The following SSBP3 variants were observed in gnomAD, a reference collection of about 807,000 sequenced individuals.
SSBP3 encodes the protein single-stranded DNA-binding protein 3.
SSBP3 carries 5 observed loss-of-function variants against 69.6 expected under a neutral mutation model. The observed-to-expected ratio is 0.07, with a 90% CI of 0.04 to 0.15. SSBP3 has a LOEUF of 0.15. Ranked by LOEUF, SSBP3 falls within the 10% of genes least tolerant of loss-of-function variation. The pLI is 1.00. For missense variants in SSBP3, 312 were observed against 534.0 expected, an observed-to-expected ratio of 0.58 and a Z score of 4.10; for synonymous variants, 196 against 193.4, an observed-to-expected ratio of 1.01 and a Z score of -0.11.
chr1:54,342,489 C>T (rs985002002), intron 4 of SSBP3, among the ~76,000 whole-genome samples: 3 of 152,186 alleles, frequency 2.0e-5, no homozygotes, highest in Admixed American at 2.0e-4. Context: ...GCAAAGTGGG[C>T]CTGAGAGCCA....
chr1:54,336,699 G>T (rs1646513397), intron 4 of SSBP3, among the ~76,000 whole-genome samples: 1 of 152,164 alleles, frequency 6.6e-6, no homozygotes, highest in African/African-American at 2.4e-5. Context: ...TTGACATTTG[G>T]AATACTAACT....
intron 4 of SSBP3, among the ~76,000 whole-genome samples, chr1:54,292,381 T>C (rs1645623036): frequency 6.6e-6 from 1 of 152,098 alleles, no homozygotes; most frequent in Non-Finnish European, 1.5e-5. Context: ...CCTTCCCTTC[T>C]CAGAGCCCCA....
chr1:54,335,200 C>T (rs1011314678), intron 4 of SSBP3, among the ~76,000 whole-genome samples: 16 of 152,222 alleles, frequency 1.1e-4, no homozygotes, highest in Admixed American at 1.0e-3. Context: ...ACTACGCTTT[C>T]AAAAATAAAG....
intron 14 of SSBP3, among the ~76,000 whole-genome samples, chr1:54,232,041 C>T (rs1341436577): frequency 6.6e-6 from 1 of 152,170 alleles, no homozygotes; most frequent in South Asian, 2.1e-4. Flanking sequence ...GGACACAGTT[C>T]AATCTCATTT....
chr1:54,309,416 C>T (rs1268001233), intron 4 of SSBP3, among the ~76,000 whole-genome samples: 2 of 152,238 alleles, frequency 1.3e-5, no homozygotes, highest in South Asian at 2.1e-4. Flanking sequence ...AAGACAACAT[C>T]GGCATCCCTT....
At chr1:54,383,590 C>A (rs1423334821) in intron 4 of SSBP3, among the ~76,000 whole-genome samples, 1 of 152,112 alleles carries the variant, frequency 6.6e-6, no homozygotes, top group Non-Finnish European at 1.5e-5. Flanking sequence ...ATGCAAAGGT[C>A]AACTGTAGAC....
At chr1:54,289,862 G>C (rs1457098216) in intron 4 of SSBP3, among the ~76,000 whole-genome samples, 2 of 152,060 alleles carry the variant, frequency 1.3e-5, no homozygotes, top group African/African-American at 4.8e-5. Flanking sequence ...CCAGGATAGG[G>C]GGGCTCCCCC....
intron 4 of SSBP3, among the ~76,000 whole-genome samples, chr1:54,379,010 C>CCGCCA: frequency 6.6e-6 from 1 of 152,340 alleles, no homozygotes; most frequent in East Asian, 1.9e-4. Context: ...TCTCCTGGCC[C>CCGCCA]CGCCACCGCC....
chr1:54,318,750 C>A (rs935634159), intron 4 of SSBP3, among the ~76,000 whole-genome samples: 3 of 152,168 alleles, frequency 2.0e-5, no homozygotes, highest in Admixed American at 1.3e-4. Flanking sequence ...ACATCCCCCA[C>A]CCCAAGCCGG....
At chr1:54,327,384 G>A (rs1224095840) in intron 4 of SSBP3, among the ~76,000 whole-genome samples, 1 of 152,130 alleles carries the variant, frequency 6.6e-6, no homozygotes, top group Non-Finnish European at 1.5e-5. Flanking sequence ...CCTGGGATCT[G>A]CTAAGCCCCG....
intron 4 of SSBP3, among the ~76,000 whole-genome samples, chr1:54,398,438 T>C (rs1214003449): frequency 6.6e-6 from 1 of 152,144 alleles, no homozygotes; most frequent in Non-Finnish European, 1.5e-5. Context: ...AGAAAAAGGA[T>C]TGCTTGTTGT....
At chr1:54,399,134 C>A (rs1226556623) in intron 4 of SSBP3, among the ~76,000 whole-genome samples, 7 of 152,352 alleles carry the variant, frequency 4.6e-5, no homozygotes, top group Middle Eastern at 3.4e-3. Flanking sequence ...CGTGTGCCTG[C>A]TACATGGAAG....
chr1:54,237,945 G>T, intron 14 of SSBP3: 1 of 363,552 alleles, frequency 2.8e-6, no homozygotes. Flanking sequence ...GATCATCCAC[G>T]CCATTTCCAT....
At chr1:54,336,962 C>A (rs1646518141) in intron 4 of SSBP3, among the ~76,000 whole-genome samples, 1 of 152,232 alleles carries the variant, frequency 6.6e-6, no homozygotes. Flanking sequence ...GCAGAATCTA[C>A]TCTGGATGGA....
At chr1:54,405,316 G>C (rs1557599088) in intron 1 of SSBP3, 1 of 267,940 alleles carries the variant, frequency 3.7e-6, no homozygotes, top group Non-Finnish European at 7.3e-6. Flanking sequence ...CCTGGACTCC[G>C]GGTGCTTGGC....
rs572330487 is a variant in SSBP3, at chr1:54,288,790, G to A, written c.277-7263C>T. ...ACAGTCCACTCTGGGAGGCCAAGGT[G>A]GGCGGATCACAAGGTCAGGAGATCG... is the stretch of plus-strand genomic sequence containing the variant. On this transcript the variant is annotated intron_variant, in intron 4 of 17. Transcript: ENST00000610401. 7.9e-5 allele frequency among the ~76,000 whole-genome samples: 12 copies of A among 152,122 alleles called. No homozygotes were observed. In the South Asian group the frequency reaches 8.3e-4, roughly 11 times the overall value.
At position 54,228,734 on chromosome 1, in the gene SSBP3, C is replaced by T. The variant is rs895027972; in HGVS notation, c.1006+14G>A. On this transcript the variant is annotated intron_variant, in intron 15 of 17. Transcript: ENST00000610401. ...CAGGCAGGGTGGGGCATGGCGAGGG[C>T]AGGGGCCACTCACCTAATGATCCAT... 9.5e-6 allele frequency: 15 copies of T among 1,584,772 alleles called. No individual in the cohort carries two copies. The highest frequency in any genetic ancestry group is 1.3e-5 in the African/African-American group (1 of 74,392).
intron 5 of SSBP3, 55 bp downstream of exon 5, chr1:54,281,383 G>A (rs1274458457): frequency 1.4e-6 from 2 of 1,452,546 alleles, no homozygotes; most frequent in Non-Finnish European, 1.9e-6. Flanking sequence ...CACCTGCCCA[G>A]GGCCTCGGCC....
At chr1:54,409,455 A>G (rs1649932866), upstream of SSBP3, among the ~76,000 whole-genome samples, 1 of 151,866 alleles carries the variant, frequency 6.6e-6, no homozygotes, top group Non-Finnish European at 1.5e-5. Flanking sequence ...GCGCAGGCTC[A>G]ATACCTGTGT....
Sources: allele counts gnomAD v4.1 joint callset (sites outside exome capture counted in the v4.1 genomes callset), GRCh38; gene constraint gnomAD v4.1.1; transcripts MANE v1.5; gene names NCBI Gene and HGNC (gene_info 2026-07-23, HGNC 2026-07-21).